MACF1: variants seen among roughly 807,000 people sequenced by gnomAD.
The protein encoded by MACF1 is microtubule actin crosslinking factor 1.
Under a neutral mutation model 854.8 loss-of-function variants are expected in MACF1, and 193 were observed. That is an observed-to-expected ratio of 0.23 (90% CI 0.20 to 0.25). The LOEUF (loss-of-function observed/expected upper bound fraction) is 0.25. Ranked by LOEUF, MACF1 falls within the 10% of genes least tolerant of loss-of-function variation. The pLI, the probability that MACF1 is intolerant of heterozygous loss-of-function variation, is 1.00. For synonymous variants in MACF1, 3,185 were observed against 3,226.7 expected, an observed-to-expected ratio of 0.99 and a Z score of 0.44; for missense variants, 7,722 against 8,929.1, an observed-to-expected ratio of 0.86 and a Z score of 5.45.
Position 39,445,584 on chromosome 1 carries a change from A to G in MACF1, c.19605+749A>G, listed in dbSNP as rs552196547. ...AACACATGAACATCTTGAGAGAAGC[A>G]TTAATTTCCTAAAAACCTTCTAGCA... On this transcript the variant is annotated intron_variant, in intron 80 of 100. Coordinates refer to ENST00000564288, the MANE Select transcript of MACF1 (RefSeq NM_001394062.1). Among the ~76,000 whole-genome samples, 4 of 151,748 alleles carry G rather than the reference A, an allele frequency of 2.6e-5. No individual in the cohort carries two copies. The South Asian group carries it at 8.3e-4, about 32-fold the overall frequency.
At chr1:39,413,988 C>G (rs780038736) in intron 58 of MACF1, 18 of 1,607,110 alleles carry the variant, frequency 1.1e-5, no homozygotes, top group Admixed American at 6.8e-5. Flanking sequence ...CAGAGGAGCC[C>G]ACCTCCCCAG....
intron 40 of MACF1, among the ~76,000 whole-genome samples, chr1:39,342,879 C>T (rs1030206062): frequency 6.6e-6 from 1 of 152,042 alleles, no homozygotes; most frequent in Non-Finnish European, 1.5e-5. Context: ...GAACCATATG[C>T]AAAAGACCTA....
At chr1:39,277,065 C>G (rs1247497024) in intron 6 of MACF1, among the ~76,000 whole-genome samples, 2 of 150,878 alleles carry the variant, frequency 1.3e-5, no homozygotes, top group Admixed American at 1.3e-4. Flanking sequence ...CAAGCCTTAA[C>G]ATTAAAATTT....
intron 2 of MACF1, among the ~76,000 whole-genome samples, chr1:39,151,962 A>C (rs1643588595): frequency 6.6e-6 from 1 of 151,976 alleles, no homozygotes; most frequent in Non-Finnish European, 1.5e-5. Flanking sequence ...CTTGTCTTTT[A>C]TAAAATATAT....
intron 17 of MACF1, 45 bp downstream of exon 17, chr1:39,292,888 T>A: frequency 6.7e-7 from 1 of 1,491,610 alleles, no homozygotes; most frequent in Non-Finnish European, 9.2e-7. Flanking sequence ...TAGAGTCTGG[T>A]TCCCCCCAAT....
intron 6 of MACF1, among the ~76,000 whole-genome samples, chr1:39,268,271 A>G (rs1388385503): frequency 1.3e-5 from 2 of 151,484 alleles, no homozygotes; most frequent in Non-Finnish European, 2.9e-5. Context: ...TCCATTTTCA[A>G]TTTACACTTA....
At chr1:39,427,852 G>A (rs1643774345) in intron 62 of MACF1, 109 bp from the exon 63 acceptor site, 2 of 1,024,810 alleles carry the variant, frequency 2.0e-6, no homozygotes, top group Middle Eastern at 2.1e-4. Context: ...CTTTCAGTCG[G>A]TGAGTTTTTT....
At chr1:39,429,700 T>G in intron 64 of MACF1, 127 bp from the exon 65 acceptor site, 2 of 939,272 alleles carry the variant, frequency 2.1e-6, no homozygotes, top group South Asian at 3.2e-5. Flanking sequence ...ATGGGATAGG[T>G]GAAATCATTA....
At chr1:39,296,023 T>C in intron 20 of MACF1, 141 bp downstream of exon 20, 2 of 661,016 alleles carry the variant, frequency 3.0e-6, no homozygotes, top group Admixed American at 3.0e-5. Flanking sequence ...GTCATTTAGA[T>C]AGCTCATGAT....
chr1:39,123,717 G>GC (rs1642782844), intron 2 of MACF1, among the ~76,000 whole-genome samples: 1 of 100,468 alleles, frequency 1.0e-5, no homozygotes, highest in Admixed American at 1.4e-4. Flanking sequence ...TTCTTGTTTT[G>GC]TTTTTTTTTT....
intron 40 of MACF1, 21 bp from the exon 41 acceptor site, chr1:39,346,956 T>G (rs1395360993): frequency 6.5e-7 from 1 of 1,544,060 alleles, no homozygotes; most frequent in Non-Finnish European, 8.9e-7. Context: ...GTGTTTTGTT[T>G]CCTTTTTCCA....
intron 51 of MACF1, 93 bp from the exon 52 acceptor site, chr1:39,372,386 T>C (rs1649327675): frequency 1.5e-6 from 1 of 681,098 alleles, no homozygotes; most frequent in South Asian, 1.9e-5. Context: ...TTAATGCTTT[T>C]CAAAACACTA....
intron 74 of MACF1, 60 bp downstream of exon 74, chr1:39,441,385 C>A: frequency 7.1e-7 from 1 of 1,402,600 alleles, no homozygotes; most frequent in Non-Finnish European, 1.0e-6. Flanking sequence ...CCATTTTTGT[C>A]ATTTTTGGAA....
intron 2 of MACF1, among the ~76,000 whole-genome samples, chr1:39,110,821 CTA>C (rs1285114420): frequency 6.6e-6 from 1 of 152,160 alleles, no homozygotes; most frequent in Non-Finnish European, 1.5e-5. Flanking sequence ...CAGCGTAAGC[CTA>C]TTATACTGGT....
At chr1:39,115,206 C>T (rs1302958646) in intron 2 of MACF1, among the ~76,000 whole-genome samples, 2 of 152,026 alleles carry the variant, frequency 1.3e-5, no homozygotes, top group Non-Finnish European at 2.9e-5. Flanking sequence ...GCAGCAGTGC[C>T]AAGGAAGGTA....
rs1304697896 is a variant in MACF1, at chr1:39,358,855, G to A, written c.12102G>A (p.Glu4034=). Residue 4034 remains glutamate, a synonymous_variant, in exon 46 of 101, where the codon GAG becomes GAA. Coordinates refer to ENST00000564288, the MANE Select transcript of MACF1 (RefSeq NM_001394062.1). The stretch of plus-strand genomic sequence containing the variant: ...CCTCTGACCCTGGAGTTCTCCAGGA[G>A]CAGCTTGCAACAACAAAGGTAAGTC... The part of the protein sequence containing the change: ...TVASDPGVLQ[E]QLATTKQLQE... 2.5e-6 allele frequency: 4 copies of A among 1,609,032 alleles called. No homozygotes were observed. The highest frequency in any genetic ancestry group is 3.4e-6 in the Non-Finnish European group (4 of 1,178,698).
In MACF1 at chr1:39,089,328, A is replaced by C. The variant is rs183436887; in HGVS notation, c.220+4890A>C. ...GGTTGTTCATTTATTCATTCCTTCAACTAAAAAAGGGGTTAAGCTATGTGC... is the reference window on the plus strand; with the variant it reads ...GGTTGTTCATTTATTCATTCCTTCACCTAAAAAAGGGGTTAAGCTATGTGC... On this transcript the variant is annotated intron_variant, in intron 2 of 93. Coordinates refer to the MACF1 transcript ENST00000361689. Among the ~76,000 whole-genome samples, 661 of 152,262 alleles carry C rather than the reference A, an allele frequency of 4.3e-3. 8 individuals are homozygous for C. Among genetic ancestry groups the C allele is most frequent in the African/African-American group, 0.015 (637 of 41,526 alleles).
In MACF1 at chr1:39,334,127, G is replaced by A; in HGVS notation, c.7539G>A (p.Gly2513=). 1.2e-6 allele frequency: 2 copies of A among 1,614,134 alleles called. No individual in the cohort carries two copies. Among genetic ancestry groups the A allele is most frequent in the Non-Finnish European group, 1.7e-6 (2 of 1,180,016 alleles). ...VDGGIIHHIS[G]MRLSVDNAFR... is the part of the protein sequence containing the mutation. ...GAGGTATCATTCACCATATATCTGGGATGAGACTTTCTGTTGATAATGCCT... is the reference window on the plus strand; with the variant it reads ...GAGGTATCATTCACCATATATCTGGAATGAGACTTTCTGTTGATAATGCCT... Residue 2513 remains glycine (G), a synonymous_variant, in exon 37 of 101, where the codon GGG becomes GGA. Transcript: ENST00000564288.
chr1:39,425,328 A>C (rs1643690139), intron 61 of MACF1, among the ~76,000 whole-genome samples: 2 of 152,066 alleles, frequency 1.3e-5, no homozygotes, highest in Non-Finnish European at 2.9e-5. Flanking sequence ...TAATCACTCT[A>C]CCACTAACCC....
Sources: allele counts gnomAD v4.1 joint callset (sites outside exome capture counted in the v4.1 genomes callset), GRCh38; gene constraint gnomAD v4.1.1; transcripts MANE v1.5; gene names NCBI Gene and HGNC (gene_info 2026-07-23, HGNC 2026-07-21).